Variants in CCDC33 observed in about 807,000 individuals in gnomAD.
The protein encoded by CCDC33 is coiled-coil domain-containing protein 33.
In CCDC33, 94 loss-of-function variants were observed where a neutral mutation model predicts 91.9. The ratio of observed to expected loss-of-function variants is 1.02; its 90% CI spans 0.87 to 1.21. CCDC33 has a LOEUF of 1.21. Ranked by LOEUF, CCDC33 falls within the 50% of genes most tolerant of loss-of-function variation. The pLI, the probability that CCDC33 is intolerant of heterozygous loss-of-function variation, is 0.00. For missense variants in CCDC33, 940 were observed against 935.5 expected, an observed-to-expected ratio of 1.00 and a Z score of -0.06; for synonymous variants, 396 against 374.5, an observed-to-expected ratio of 1.06 and a Z score of -0.66.
At chr15:74,216,182 C>T (rs1235641580), upstream of CCDC33, among the ~76,000 whole-genome samples, 1 of 152,196 alleles carries the variant, frequency 6.6e-6, no homozygotes, top group African/African-American at 2.4e-5. Context: ...GGTACACCAC[C>T]GCCTCCAGAC....
At chr15:74,332,445 A>C (rs1354797022) in intron 15 of CCDC33, among the ~76,000 whole-genome samples, 4 of 152,136 alleles carry the variant, frequency 2.6e-5, no homozygotes, top group African/African-American at 9.7e-5. Context: ...AGAGGTGAGG[A>C]GCTGAAATAC....
chr15:74,209,242 T>C (rs1391592537), intron 1 of CCDC33: 1 of 1,150,900 alleles, frequency 8.7e-7, no homozygotes, highest in Non-Finnish European at 1.2e-6. Flanking sequence ...AACCGTTTGC[T>C]CGAAACTTGA....
At chr15:74,274,451 A>G (rs903190711) in intron 7 of CCDC33, among the ~76,000 whole-genome samples, 2 of 152,238 alleles carry the variant, frequency 1.3e-5, no homozygotes, top group South Asian at 2.1e-4. Flanking sequence ...TATGTCTGGC[A>G]TAGCAAAAAT....
intron 2 of CCDC33, among the ~76,000 whole-genome samples, chr15:74,257,311 G>A (rs1319684524): frequency 6.6e-6 from 1 of 152,248 alleles, no homozygotes; most frequent in African/African-American, 2.4e-5. Context: ...CCGTCAGCAT[G>A]GGGCTGGGGG....
intron 1 of CCDC33, among the ~76,000 whole-genome samples, chr15:74,242,376 C>T (rs983967709): frequency 2.6e-5 from 4 of 152,234 alleles, no homozygotes; most frequent in Non-Finnish European, 4.4e-5. Context: ...AACCAGAGCC[C>T]GTCCAGGGCC....
In CCDC33 at chr15:74,268,353, T is replaced by C. The variant is rs771386508; in HGVS notation, c.441T>C (p.Ser147=). 1.2e-6 allele frequency: 2 copies of C among 1,613,572 alleles called. No individual in the cohort carries two copies. Among genetic ancestry groups the C allele is most frequent in the East Asian group, 4.5e-5 (2 of 44,860 alleles). ...YHFELVKPTE[S]GKADEATAKT... ...AACCCTGTCTCCAGCCCACTGAGTCTGGGAAAGCCGATGAAGCCACTGCCA... is the reference window on the plus strand; with the variant it reads ...AACCCTGTCTCCAGCCCACTGAGTCCGGGAAAGCCGATGAAGCCACTGCCA... Residue 147 remains serine, a synonymous_variant, in exon 5 of 19, where the codon TCT becomes TCC. Coordinates refer to ENST00000398814, the MANE Select transcript of CCDC33 (RefSeq NM_025055.5).
chr15:74,259,462 T>G (rs1049127298), intron 2 of CCDC33, among the ~76,000 whole-genome samples: 3 of 151,424 alleles, frequency 2.0e-5, no homozygotes, highest in Non-Finnish European at 4.4e-5. Flanking sequence ...CCCGGAGGAG[T>G]CAGCTGTGCC....
intron 10 of CCDC33, among the ~76,000 whole-genome samples, chr15:74,289,014 C>G (rs1203313773): frequency 6.6e-6 from 1 of 152,136 alleles, no homozygotes; most frequent in Non-Finnish European, 1.5e-5. Context: ...TGTCTTTCAC[C>G]CAGGTTTCTG....
chr15:74,328,470 TG>T (rs779507443), intron 11 of CCDC33, among the ~76,000 whole-genome samples: 30 of 152,344 alleles, frequency 2.0e-4, no homozygotes, highest in South Asian at 4.1e-4. Flanking sequence ...GTGGCCAAGC[TG>T]GCCTGCTGAT....
rs79764418 is a variant in CCDC33, at chr15:74,236,433, A to G, written c.-287A>G. On this transcript the variant is annotated 5_prime_UTR_variant, in exon 1 of 19. An upstream start codon of the reference 5' UTR is lost. Coordinates refer to ENST00000398814, the MANE Select transcript of CCDC33 (RefSeq NM_025055.5). Reference sequence around the variant, plus strand: ...CATTGCTGACCCTGTCCAGCTGGCCATGGCCCTCAACCCCCAAGGCCCTTC... The same window carrying G: ...CATTGCTGACCCTGTCCAGCTGGCCGTGGCCCTCAACCCCCAAGGCCCTTC... 4.0e-3 allele frequency: 1,683 copies of G among 421,526 alleles called. 63 individuals carry two copies. The East Asian group carries it at 0.054, about 13-fold the overall frequency. 26.1% of individuals were successfully genotyped at this position (421,526 alleles called of 1,614,324 possible). A position where few individuals can be genotyped will look rare whatever the true frequency, so the allele number is the denominator to read the frequency against.
intron 3 of CCDC33, among the ~76,000 whole-genome samples, chr15:74,264,579 T>C (rs1338208084): frequency 2.6e-5 from 4 of 152,160 alleles, no homozygotes; most frequent in African/African-American, 9.7e-5. Flanking sequence ...TCTTGGTCCA[T>C]GGCGAGTTGG....
At chr15:74,260,037 G>T (rs1474255924) in intron 2 of CCDC33, among the ~76,000 whole-genome samples, 4 of 152,204 alleles carry the variant, frequency 2.6e-5, no homozygotes, top group Non-Finnish European at 5.9e-5. Context: ...GCCTTATTGT[G>T]CACTAACTAT....
chr15:74,227,496 G>A (rs1001373960), intron 2 of CCDC33, among the ~76,000 whole-genome samples: 4 of 152,134 alleles, frequency 2.6e-5, no homozygotes, highest in African/African-American at 9.7e-5. Context: ...GTATTACGCT[G>A]GCCCCAACAA....
chr15:74,314,018 C>G (rs781053971), intron 11 of CCDC33, among the ~76,000 whole-genome samples: 1 of 152,198 alleles, frequency 6.6e-6, no homozygotes, highest in African/African-American at 2.4e-5. Context: ...TGCTCACCTC[C>G]ACACCTGTGC....
chr15:74,326,120 T>C (rs1596127921), intron 11 of CCDC33, among the ~76,000 whole-genome samples: 1 of 151,552 alleles, frequency 6.6e-6, no homozygotes, highest in Non-Finnish European at 1.5e-5. Flanking sequence ...AGGCTAGGAG[T>C]TCAAGACCAG....
chr15:74,212,662 G>GT (rs1201018694), upstream of CCDC33: 1 of 152,198 alleles, frequency 6.6e-6, no homozygotes, highest in Non-Finnish European at 1.5e-5. Context: ...TACTAGCTGA[G>GT]TGACCACAAA....
rs1369242220 is a variant in CCDC33 at position 74,272,803 on chromosome 15, T to G, written c.671T>G (p.Val224Gly). The G allele has an allele frequency of 6.2e-7, 1 of 1,614,200 alleles. No individual in the cohort carries two copies. Among genetic ancestry groups the G allele is most frequent in the South Asian group, 1.1e-5 (1 of 91,078 alleles). Reference sequence around the variant, plus strand: ...CAGGCTAACAGGGACCTGGCCTCTGTGGGGCTGCCCATCACCCCACTGTCC... The same window carrying G: ...CAGGCTAACAGGGACCTGGCCTCTGGGGGGCTGCCCATCACCCCACTGTCC... ...VSQANRDLAS[V>G]GLPITPLSFP... The change falls in exon 7 of 19, where the codon GTG becomes GGG. Residue 224 changes from valine (V) to glycine (G), a missense_variant. Coordinates refer to ENST00000398814, the MANE Select transcript of CCDC33 (RefSeq NM_025055.5).
Position 74,280,191 on chromosome 15 carries a change from T to C in CCDC33, c.889+99T>C, listed in dbSNP as rs1056318812. ...ATCCCACCTCTGCCTCCCACAGGGA[T>C]GGATGGTTCCCAGGTGTCCAGGCGG... On this transcript the variant is annotated intron_variant, in intron 8 of 18. Coordinates refer to ENST00000398814, the MANE Select transcript of CCDC33 (RefSeq NM_025055.5). 6.2e-5 allele frequency: 89 copies of C among 1,438,012 alleles called. 1 individual carries two copies. In the South Asian group the frequency reaches 1.1e-3, roughly 17 times the overall value. The allele number at this position is 1,438,012 out of a possible 1,614,324, so 89.1% of individuals were successfully genotyped here.
chr15:74,282,422 C>T (rs949613076), intron 10 of CCDC33, among the ~76,000 whole-genome samples: 2 of 152,186 alleles, frequency 1.3e-5, no homozygotes, highest in Non-Finnish European at 2.9e-5. Flanking sequence ...CATGCCCCCT[C>T]ACAATGGCCC....
Sources: gnomAD v4.1 joint callset for allele counts (sites outside exome capture counted in the v4.1 genomes callset) on GRCh38, gnomAD v4.1.1 for gene constraint, MANE v1.5 for transcripts, NCBI Gene and HGNC (gene_info 2026-07-23, HGNC 2026-07-21) for gene names.